The following SHROOM4 variants were observed in gnomAD, a reference collection of about 807,000 sequenced individuals.
SHROOM4 encodes shroom family member 4.
SHROOM4 carries 17 observed loss-of-function variants against 80.3 expected under a neutral mutation model. The ratio of observed to expected loss-of-function variants is 0.21; its 90% CI spans 0.14 to 0.32. The LOEUF (loss-of-function observed/expected upper bound fraction) is 0.32. SHROOM4 is among the 10% of genes least tolerant of loss of function. The pLI, the probability that SHROOM4 is intolerant of heterozygous loss-of-function variation, is 1.00. For missense variants in SHROOM4, 993 were observed against 1,140.3 expected, an observed-to-expected ratio of 0.87 and a Z score of 1.86; for synonymous variants, 400 against 437.5, an observed-to-expected ratio of 0.91 and a Z score of 1.07.
intron 3 of SHROOM4, among the ~76,000 whole-genome samples, chrX:50,636,934 C>T (rs1245982648): frequency 9.0e-6 from 1 of 111,358 alleles, no homozygotes; most frequent in Non-Finnish European, 1.9e-5. Context: ...AAAGTCCTTA[C>T]CACAGCCCAG....
intron 2 of SHROOM4, among the ~76,000 whole-genome samples, chrX:50,647,447 A>G (rs17003154): frequency 0.017 from 1,893 of 111,615 alleles, 43 homozygotes; most frequent in African/African-American, 0.058. Context: ...ACAGTGCACC[A>G]TCTGACTCAA....
downstream of SHROOM4, among the ~76,000 whole-genome samples, chrX:50,586,562 C>T (rs1461504640): frequency 2.7e-5 from 3 of 111,984 alleles, no homozygotes; most frequent in Admixed American, 1.9e-4. Flanking sequence ...AATGTTTACA[C>T]TGCTCAGGAG....
intron 2 of SHROOM4, among the ~76,000 whole-genome samples, chrX:50,679,378 G>C (rs782490906): frequency 9.8e-5 from 11 of 111,731 alleles, no homozygotes; most frequent in African/African-American, 3.6e-4. Flanking sequence ...GGACCTTGCT[G>C]CTGCAATTAT....
chrX:50,702,306 T>C (rs1396562685), intron 1 of SHROOM4, among the ~76,000 whole-genome samples: 2 of 111,777 alleles, frequency 1.8e-5, no homozygotes, highest in African/African-American at 6.5e-5. Context: ...GAAATCTGTA[T>C]GCCTACTCTC....
At chrX:50,608,239 T>C (rs1929788406) in intron 5 of SHROOM4, 55 bp from the exon 6 acceptor site, 1 of 1,105,371 alleles carries the variant, frequency 9.0e-7, no homozygotes, top group Middle Eastern at 2.4e-4. Context: ...GATAGGCCCA[T>C]ATTTTGGATG....
At chrX:50,681,514 G>A (rs1429618848) in intron 2 of SHROOM4, among the ~76,000 whole-genome samples, 1 of 111,357 alleles carries the variant, frequency 9.0e-6, no homozygotes, top group Non-Finnish European at 1.9e-5. Flanking sequence ...TCTTTATATG[G>A]CTGCCTCTTT....
chrX:50,651,948 T>C (rs1232668953), intron 2 of SHROOM4, among the ~76,000 whole-genome samples: 3 of 111,878 alleles, frequency 2.7e-5, no homozygotes, highest in African/African-American at 9.8e-5. Context: ...TTCCATGGTG[T>C]ATATGTGCCA....
rs139376532 is a variant in SHROOM4, at chrX:50,651,128, C to G, written c.270-12820G>C. On this transcript the variant is annotated intron_variant, in intron 2 of 8. Coordinates refer to ENST00000376020, the MANE Select transcript of SHROOM4 (RefSeq NM_020717.5). ...CAAAAAAACACTACTCAGGGCCTTCCTGGGTTTAGTTCTTTTCCAGCTGCC... is the reference window on the plus strand; with the variant it reads ...CAAAAAAACACTACTCAGGGCCTTCGTGGGTTTAGTTCTTTTCCAGCTGCC... 4.6e-3 allele frequency among the ~76,000 whole-genome samples: 515 copies of G among 111,514 alleles called. 1 individual carries two copies. The highest frequency in any genetic ancestry group is 0.015 in the African/African-American group (467 of 30,650).
intron 1 of SHROOM4, among the ~76,000 whole-genome samples, chrX:50,718,970 C>A (rs1934037856): frequency 9.0e-6 from 1 of 111,506 alleles, no homozygotes; most frequent in African/African-American, 3.3e-5. Flanking sequence ...TTATGGCAGG[C>A]AAGAGGCCTG....
rs142871625 is a variant in SHROOM4, at chrX:50,598,375, A to C, written c.4103T>G (p.Phe1368Cys). 1 of 1,209,033 alleles carries C rather than the reference A, an allele frequency of 8.3e-7. No homozygotes were observed. The highest frequency in any genetic ancestry group is 3.0e-5 in the East Asian group (1 of 33,732). The change falls in exon 8 of 9, where the codon TTT (phenylalanine) becomes TGT (cysteine). Residue 1368 changes from phenylalanine to cysteine, a missense_variant. By Grantham distance (205) the Phe-to-Cys change is radical. Coordinates refer to ENST00000376020, the MANE Select transcript of SHROOM4 (RefSeq NM_020717.5). ...KSNEFEKYHL[F>C]VGDLDKVVNL... ...GACCACTTTGTCCAGGTCCCCAACA[A>C]ACAAGTGGTACTTTTCAAATTCATT...
chrX:50,693,618 T>C (rs1273009731), intron 2 of SHROOM4, among the ~76,000 whole-genome samples: 1 of 106,412 alleles, frequency 9.4e-6, no homozygotes, highest in Non-Finnish European at 1.9e-5. Flanking sequence ...GTAACAGTTA[T>C]ACATATTTTG....
chrX:50,697,258 T>G (rs1238259919), intron 1 of SHROOM4, among the ~76,000 whole-genome samples: 1 of 111,519 alleles, frequency 9.0e-6, no homozygotes, highest in Non-Finnish European at 1.9e-5. Flanking sequence ...TAAGGATAAT[T>G]AAATTGTATA....
chrX:50,629,032 C>A (rs1930935209), intron 4 of SHROOM4, among the ~76,000 whole-genome samples: 1 of 112,014 alleles, frequency 8.9e-6, no homozygotes, highest in African/African-American at 3.2e-5. Flanking sequence ...CCAGGATTTC[C>A]TGTCCATGCC....
At chrX:50,772,314 A>C (rs1171115778) in intron 1 of SHROOM4, among the ~76,000 whole-genome samples, 1 of 111,385 alleles carries the variant, frequency 9.0e-6, no homozygotes, top group Non-Finnish European at 1.9e-5. Context: ...TTTTAAGTAC[A>C]CTTATATTTT....
At chrX:50,624,665 T>C (rs1930724393) in intron 5 of SHROOM4, among the ~76,000 whole-genome samples, 4 of 103,419 alleles carry the variant, frequency 3.9e-5, no homozygotes, top group Non-Finnish European at 7.9e-5. Flanking sequence ...CAGGATGGAA[T>C]GCGGTCATGT....
At chrX:50,793,710 T>C (rs1434563392) in intron 1 of SHROOM4, among the ~76,000 whole-genome samples, 1 of 107,688 alleles carries the variant, frequency 9.3e-6, no homozygotes, top group Non-Finnish European at 1.9e-5. Flanking sequence ...GTAACTAGTA[T>C]CACCCTTCTG....
At chrX:50,788,335 A>C (rs1433242367) in intron 1 of SHROOM4, among the ~76,000 whole-genome samples, 2 of 112,153 alleles carry the variant, frequency 1.8e-5, no homozygotes, top group Non-Finnish European at 3.8e-5. Flanking sequence ...ACACAAAAGA[A>C]AAAGAGAAAT....
intron 5 of SHROOM4, among the ~76,000 whole-genome samples, chrX:50,621,348 C>T (rs1473951264): frequency 2.7e-5 from 3 of 111,151 alleles, no homozygotes; most frequent in African/African-American, 9.8e-5. Context: ...TTTTATGATA[C>T]GCTTTAAAAT....
At position 50,790,652 on chromosome X, in the gene SHROOM4, C is replaced by T. The variant is rs191321907; in HGVS notation, c.117+23250G>A. On this transcript the variant is annotated intron_variant, in intron 1 of 8. Transcript: ENST00000376020. ...CAAAGATGGTTTAACATATGCAGATCAATAAATGTGATACAACATATTAGC... is the reference window on the plus strand; with the variant it reads ...CAAAGATGGTTTAACATATGCAGATTAATAAATGTGATACAACATATTAGC... Among the ~76,000 whole-genome samples, 3 of 111,545 alleles carry T rather than the reference C, an allele frequency of 2.7e-5. No homozygotes were observed. The East Asian group carries it at 8.4e-4, about 31-fold the overall frequency.
Sources: gnomAD v4.1 joint callset for allele counts (sites outside exome capture counted in the v4.1 genomes callset) on GRCh38, gnomAD v4.1.1 for gene constraint, MANE v1.5 for transcripts, NCBI Gene and HGNC (gene_info 2026-07-23, HGNC 2026-07-21) for gene names.